CRYAB: variants seen among roughly 807,000 people sequenced by gnomAD.
CRYAB encodes alpha-crystallin B chain.
A neutral mutation model predicts 12.7 loss-of-function variants in CRYAB; 9 were observed. The ratio of observed to expected loss-of-function variants is 0.71; its 90% CI spans 0.43 to 1.24. The LOEUF (loss-of-function observed/expected upper bound fraction) is 1.24. Ranked by LOEUF, CRYAB falls within the 50% of genes most tolerant of loss-of-function variation. The pLI is 0.00. For missense variants in CRYAB, 183 were observed against 226.6 expected (o/e 0.81, Z 1.24); for synonymous variants, 93 against 86.8 (o/e 1.07, Z -0.40).
At chr11:111,913,641 G>T (rs782260577), upstream of CRYAB, 16 of 1,614,182 alleles carry the variant, frequency 9.9e-6, no homozygotes, top group Admixed American at 1.7e-5. Context: ...CCTGCTGGAG[G>T]TGTCTGCCCG....
At chr11:111,909,277 GGAATCTCATTTA>G (rs1965377476) in intron 2 of CRYAB, 1 of 475,820 alleles carries the variant, frequency 2.1e-6, no homozygotes, top group African/African-American at 2.0e-5. Context: ...TACAGAATTT[GGAATCTCATTTA>G]GAATCTGAGT....
chr11:111,910,036 T>G (rs782671522), intron 2 of CRYAB: 29 of 619,370 alleles, frequency 4.7e-5, no homozygotes, highest in Non-Finnish European at 7.7e-5. Flanking sequence ...AAAGTTCCCC[T>G]GGTGATTCTA....
chr11:111,912,687 C>CCCCA, upstream of CRYAB: 1 of 530,720 alleles, frequency 1.9e-6, no homozygotes, highest in Non-Finnish European at 3.4e-6. Context: ...CCCCTCCCCC[C>CCCCA]CCAAGAGGCT....
chr11:111,920,368 T>C (rs587701331), intron 1 of CRYAB, among the ~76,000 whole-genome samples: 27 of 151,142 alleles, frequency 1.8e-4, no homozygotes, highest in Non-Finnish European at 3.4e-4. Context: ...AAACACCATC[T>C]CTACTAAAAA....
chr11:111,914,487 T>C (rs782642008), upstream of CRYAB, among the ~76,000 whole-genome samples: 1 of 152,218 alleles, frequency 6.6e-6, no homozygotes, highest in Non-Finnish European at 1.5e-5. Context: ...GTGAATACTT[T>C]GTTTTCATGT....
At chr11:111,914,018 A>G (rs1965557066), upstream of CRYAB, 1 of 887,264 alleles carries the variant, frequency 1.1e-6, no homozygotes, top group Non-Finnish European at 1.7e-6. Flanking sequence ...TCCACAATGT[A>G]TGGTTTGGTC....
chr11:111,914,961 G>C (rs1965575129), upstream of CRYAB, among the ~76,000 whole-genome samples: 1 of 152,152 alleles, frequency 6.6e-6, no homozygotes, highest in Non-Finnish European at 1.5e-5. Context: ...TGTAGTCCCA[G>C]CTACTTGGGA....
intron 1 of CRYAB, chr11:111,919,032 A>C (rs1555166305): frequency 1.9e-6 from 3 of 1,613,810 alleles, no homozygotes; most frequent in South Asian, 2.2e-5. Context: ...GCAAAGGGGA[A>C]CATCTATCTC....
At chr11:111,920,567 C>T (rs1555166475) in intron 1 of CRYAB, among the ~76,000 whole-genome samples, 1 of 151,736 alleles carries the variant, frequency 6.6e-6, no homozygotes. Context: ...AGTTTGAGAC[C>T]AGCCTGGGCA....
chr11:111,921,886 G>A (rs1674344444), intron 1 of CRYAB, among the ~76,000 whole-genome samples: 1 of 151,594 alleles, frequency 6.6e-6, no homozygotes, highest in African/African-American at 2.4e-5. Context: ...AGTATGGAGT[G>A]CAGTGGCACA....
In CRYAB at chr11:111,908,981, A is replaced by G. The variant is rs1555165265; in HGVS notation, c.325-14T>C. 1 of 1,613,922 alleles carries G rather than the reference A, an allele frequency of 6.2e-7. No homozygotes were observed. The highest frequency in any genetic ancestry group is 2.2e-5 in the East Asian group (1 of 44,876). On this transcript the variant is annotated splice_polypyrimidine_tract_variant and intron_variant, in intron 2 of 2. Coordinates refer to ENST00000650687, the MANE Select transcript of CRYAB (RefSeq NM_001289808.2). ...ACCATGTTCATCCTAACCCAAAAGA[A>G]TGAGGAAAGAGGCAGAGAGATAAGA...
rs1238610525 is a variant in CRYAB at position 111,911,729 on chromosome 11, G to A, written c.-5C>T. The A allele has an allele frequency of 4.4e-6, 7 of 1,576,098 alleles. No individual in the cohort carries two copies. Among genetic ancestry groups the A allele is most frequent in the Non-Finnish European group, 6.0e-6 (7 of 1,160,300 alleles). ...GTGGTGGATGGCGATGTCCATGGTG[G>A]CTAGGTGAGTGTGAGGGGTCAGCTG... On this transcript the variant is annotated 5_prime_UTR_variant, in exon 1 of 3. Coordinates refer to ENST00000650687, the MANE Select transcript of CRYAB (RefSeq NM_001289808.2).
chr11:111,917,372 G>A (rs2137394997), upstream of CRYAB, among the ~76,000 whole-genome samples: 1 of 152,226 alleles, frequency 6.6e-6, no homozygotes, highest in Non-Finnish European at 1.5e-5. Context: ...AGTACAGAAT[G>A]GATTGCATGG....
chr11:111,917,457 T>C (rs781818275), upstream of CRYAB, among the ~76,000 whole-genome samples: 5 of 151,818 alleles, frequency 3.3e-5, no homozygotes, highest in Non-Finnish European at 5.9e-5. Context: ...CCAGGCGTGG[T>C]GGGAGGGTCA....
At position 111,910,307 on chromosome 11, in the gene CRYAB, CA is replaced by C. The variant is rs782303631; in HGVS notation, c.324+19del. On this transcript the variant is annotated intron_variant, in intron 2 of 2. Coordinates refer to ENST00000650687, the MANE Select transcript of CRYAB (RefSeq NM_001289808.2). ...ATGCACTGAATGAATGAGCAGAAAA[CA>C]AAAAAACAAGCTACATACCTGGCGC... The C allele has an allele frequency of 1.9e-6, 3 of 1,613,914 alleles. No homozygotes were observed. Among genetic ancestry groups the C allele is most frequent in the African/African-American group, 1.3e-5 (1 of 75,026 alleles).
At chr11:111,923,416 G>A (rs77077562) in intron 1 of CRYAB, among the ~76,000 whole-genome samples, 162 of 152,196 alleles carry the variant, frequency 1.1e-3, no homozygotes, top group African/African-American at 3.7e-3. Context: ...TCTCTCTCTC[G>A]CCCTCTCAAA....
rs1965368376 is a variant in CRYAB at position 111,909,035 on chromosome 11, T to G, written c.325-68A>C. On this transcript the variant is annotated intron_variant, in intron 2 of 2. Transcript: ENST00000650687. ...GGAACTATTATCACCTGCCCAGAAC[T>G]CAGGCATCCTGATTTCCCCTTAGGT... The G allele has an allele frequency of 3.3e-6, 5 of 1,525,212 alleles. No individual in the cohort carries two copies. In the Admixed American group the frequency reaches 8.6e-5, roughly 26 times the overall value. The allele number at this position is 1,525,212 out of a possible 1,614,324, so 94.5% of individuals were successfully genotyped here.
intron 1 of CRYAB, among the ~76,000 whole-genome samples, chr11:111,922,254 C>A (rs1004407909): frequency 6.6e-6 from 1 of 152,226 alleles, no homozygotes. Flanking sequence ...AGACACTATA[C>A]CAAATAGTCT....
intron 1 of CRYAB, chr11:111,919,168 G>A (rs1965646259): frequency 1.3e-6 from 1 of 795,328 alleles, no homozygotes; most frequent in Admixed American, 2.5e-5. Flanking sequence ...CTCCTTTCAG[G>A]AGGCCTTAGA....
Sources: allele counts gnomAD v4.1 joint callset (sites outside exome capture counted in the v4.1 genomes callset), GRCh38; gene constraint gnomAD v4.1.1; transcripts MANE v1.5; gene names NCBI Gene and HGNC (gene_info 2026-07-23, HGNC 2026-07-21).